CSMD1: variants seen among roughly 807,000 people sequenced by gnomAD.
CSMD1 encodes the protein CUB and Sushi multiple domains 1, also known as CUB and sushi domain-containing protein 1.
Under a neutral mutation model 417.5 loss-of-function variants are expected in CSMD1, and 213 were observed. The ratio of observed to expected loss-of-function variants is 0.51; its 90% CI spans 0.46 to 0.57. The LOEUF (loss-of-function observed/expected upper bound fraction) is 0.57, where lower values mean the gene tolerates loss of function less well. CSMD1 is among the 20% of genes least tolerant of loss of function. The pLI is 0.00. For synonymous variants in CSMD1, 2,862 were observed against 1,736.8 expected, an observed-to-expected ratio of 1.65 and a Z score of -16.11; for missense variants, 6,923 against 4,529.7, an observed-to-expected ratio of 1.53 and a Z score of -15.17.
chr8:3,965,144 T>C (rs1015594194), intron 5 of CSMD1, among the ~76,000 whole-genome samples: 1 of 152,162 alleles, frequency 6.6e-6, no homozygotes, highest in African/African-American at 2.4e-5. Context: ...ATTAATATTT[T>C]AATAGTTTCT....
At chr8:3,137,478 G>C (rs940954233) in intron 41 of CSMD1, among the ~76,000 whole-genome samples, 1 of 152,222 alleles carries the variant, frequency 6.6e-6, no homozygotes, top group African/African-American at 2.4e-5. Flanking sequence ...TGAGCGCGGA[G>C]CGAGGTAAAA....
chr8:3,642,387 C>A (rs995224397), intron 7 of CSMD1, among the ~76,000 whole-genome samples: 1 of 152,076 alleles, frequency 6.6e-6, no homozygotes, highest in African/African-American at 2.4e-5. Flanking sequence ...AACCTTAAGT[C>A]CACTTTCCCA....
At chr8:3,612,645 A>G (rs1312210969) in intron 8 of CSMD1, among the ~76,000 whole-genome samples, 1 of 152,174 alleles carries the variant, frequency 6.6e-6, no homozygotes, top group Non-Finnish European at 1.5e-5. Context: ...TGTTCAGTAT[A>G]TGGCAACAAA....
intron 41 of CSMD1, among the ~76,000 whole-genome samples, chr8:3,132,433 A>C (rs780633680): frequency 6.6e-6 from 1 of 152,136 alleles, no homozygotes; most frequent in Non-Finnish European, 1.5e-5. Flanking sequence ...TACTACAATA[A>C]TGTTTTATTC....
intron 28 of CSMD1, among the ~76,000 whole-genome samples, chr8:3,219,996 T>C (rs1010860318): frequency 5.9e-5 from 9 of 151,882 alleles, no homozygotes; most frequent in African/African-American, 2.2e-4. Context: ...AATACAAAAG[T>C]TAGTAGAGTG....
intron 1 of CSMD1, among the ~76,000 whole-genome samples, chr8:4,907,047 A>T (rs1375909978): frequency 6.6e-6 from 1 of 152,228 alleles, no homozygotes; most frequent in Non-Finnish European, 1.5e-5. Flanking sequence ...TGCATTCAAC[A>T]TAACAGTGAG....
rs532006005 is a variant in CSMD1 at position 4,766,403 on chromosome 8, G to C, written c.86-128845C>G. On this transcript the variant is annotated intron_variant, in intron 1 of 69. Coordinates refer to ENST00000635120, the MANE Select transcript of CSMD1 (RefSeq NM_033225.6). ...GGATTGAACGAGAACATCGTCCAAAGCCGTGAGACAGAGTTCTCCTTCGAT... is the reference window on the plus strand; with the variant it reads ...GGATTGAACGAGAACATCGTCCAAACCCGTGAGACAGAGTTCTCCTTCGAT... Among the ~76,000 whole-genome samples, 8 of 152,310 alleles carry C rather than the reference G, an allele frequency of 5.3e-5. No homozygotes were observed. The South Asian group carries it at 1.7e-3, about 32-fold the overall frequency.
At chr8:3,694,502 A>C (rs1264493995) in intron 7 of CSMD1, among the ~76,000 whole-genome samples, 2 of 152,088 alleles carry the variant, frequency 1.3e-5, no homozygotes, top group African/African-American at 4.8e-5. Flanking sequence ...AAGCATGTGC[A>C]TAGAGACAGT....
At chr8:4,979,814 G>C (rs183042082) in intron 1 of CSMD1, among the ~76,000 whole-genome samples, 90 of 152,250 alleles carry the variant, frequency 5.9e-4, no homozygotes, top group African/African-American at 2.1e-3. Flanking sequence ...GAAGCGGGTG[G>C]ATCACTAGGT....
At position 4,725,659 on chromosome 8, in the gene CSMD1, T is replaced by C. The variant is rs377339044; in HGVS notation, c.86-88101A>G. ...ACAGCTCATCCTTTCAGAATCTGCA[T>C]TCTCAGACAAATTCCAGCCTTGCTT... On this transcript the variant is annotated intron_variant, in intron 1 of 69. Transcript: ENST00000635120. Among the ~76,000 whole-genome samples, 227 of 152,318 alleles carry C rather than the reference T, an allele frequency of 1.5e-3. 7 individuals are homozygous for C. In the South Asian group the frequency reaches 0.041, roughly 28 times the overall value.
At chr8:4,713,522 C>A (rs999161840) in intron 1 of CSMD1, among the ~76,000 whole-genome samples, 8 of 152,178 alleles carry the variant, frequency 5.3e-5, no homozygotes, top group Non-Finnish European at 1.0e-4. Flanking sequence ...CTGCCTCAGC[C>A]TCCCGGGTAG....
intron 1 of CSMD1, among the ~76,000 whole-genome samples, chr8:4,661,270 T>C (rs2169741): frequency 0.041 from 6,179 of 152,226 alleles, 413 homozygotes; most frequent in African/African-American, 0.14. Context: ...TAACATCTAA[T>C]ACCACTCAGC....
chr8:4,699,548 T>G, intron 1 of CSMD1, among the ~76,000 whole-genome samples: 1 of 152,236 alleles, frequency 6.6e-6, no homozygotes, highest in East Asian at 1.9e-4. Flanking sequence ...TTATTAACTC[T>G]TCTGTGTGGA....
chr8:4,418,219 T>C (rs1797052361), intron 3 of CSMD1, among the ~76,000 whole-genome samples: 2 of 152,116 alleles, frequency 1.3e-5, no homozygotes, highest in Non-Finnish European at 2.9e-5. Flanking sequence ...ACAAAATCAT[T>C]TTCTACATAG....
chr8:4,970,114 T>C (rs904453234), intron 1 of CSMD1, among the ~76,000 whole-genome samples: 1 of 151,508 alleles, frequency 6.6e-6, no homozygotes. Context: ...AGTAATTGTA[T>C]GTAAAAATTC....
chr8:3,602,714 ATT>A (rs1491516018), intron 8 of CSMD1, among the ~76,000 whole-genome samples: 2 of 128,178 alleles, frequency 1.6e-5, no homozygotes, highest in African/African-American at 6.5e-5. Context: ...TACAGGAAGA[ATT>A]ACACACACAC....
intron 3 of CSMD1, among the ~76,000 whole-genome samples, chr8:4,303,232 A>C (rs1337337827): frequency 6.6e-6 from 1 of 152,174 alleles, no homozygotes; most frequent in Non-Finnish European, 1.5e-5. Context: ...CATCTATTTC[A>C]GATAAGTATT....
At chr8:4,445,114 G>C (rs547893039) in intron 2 of CSMD1, among the ~76,000 whole-genome samples, 1 of 152,174 alleles carries the variant, frequency 6.6e-6, no homozygotes, top group African/African-American at 2.4e-5. Flanking sequence ...AAAAAAGTAT[G>C]ACTGGATAGT....
At chr8:4,669,634 C>A (rs1440765072) in intron 1 of CSMD1, among the ~76,000 whole-genome samples, 1 of 152,106 alleles carries the variant, frequency 6.6e-6, no homozygotes, top group Non-Finnish European at 1.5e-5. Context: ...CTTTTTTTAA[C>A]CTTCCAACAA....
Sources: gnomAD v4.1 joint callset for allele counts (sites outside exome capture counted in the v4.1 genomes callset) on GRCh38, gnomAD v4.1.1 for gene constraint, MANE v1.5 for transcripts, NCBI Gene and HGNC (gene_info 2026-07-23, HGNC 2026-07-21) for gene names.